Variants in GRM1 observed in about 807,000 individuals in gnomAD.
The protein encoded by GRM1 is metabotropic glutamate receptor 1.
GRM1 carries 33 observed loss-of-function variants against 90.9 expected under a neutral mutation model. The observed-to-expected ratio is 0.36, with a 90% CI of 0.28 to 0.49. GRM1 has a LOEUF of 0.49. GRM1 is among the 20% of genes least tolerant of loss of function. The pLI, the probability that GRM1 is intolerant of heterozygous loss-of-function variation, is 0.99. For synonymous variants in GRM1, 700 were observed against 613.2 expected (o/e 1.14, Z -2.09); for missense variants, 1,190 against 1,534.3 (o/e 0.78, Z 3.75).
intron 2 of GRM1, among the ~76,000 whole-genome samples, chr6:146,177,128 T>C (rs1225942685): frequency 6.6e-6 from 1 of 152,110 alleles, no homozygotes; most frequent in Non-Finnish European, 1.5e-5. Context: ...TGTATCTCAT[T>C]TTCCTAACAG....
intron 5 of GRM1, among the ~76,000 whole-genome samples, chr6:146,362,937 A>G (rs1347491505): frequency 6.6e-6 from 1 of 152,142 alleles, no homozygotes; most frequent in Non-Finnish European, 1.5e-5. Flanking sequence ...ACGCTTAAAA[A>G]TGGATGGAAC....
At chr6:146,225,551 T>C (rs1780209481) in intron 2 of GRM1, among the ~76,000 whole-genome samples, 1 of 152,184 alleles carries the variant, frequency 6.6e-6, no homozygotes, top group African/African-American at 2.4e-5. Flanking sequence ...ATTTAGAATC[T>C]ATTTCCTTGG....
chr6:146,254,906 C>G (rs1781429231), intron 2 of GRM1, among the ~76,000 whole-genome samples: 1 of 152,170 alleles, frequency 6.6e-6, no homozygotes, highest in South Asian at 2.1e-4. Context: ...TCTGCAGCCT[C>G]TCTCATTTTA....
At chr6:146,348,959 T>TCTCTAAACATTA (rs1214473645) in intron 3 of GRM1, among the ~76,000 whole-genome samples, 1 of 152,154 alleles carries the variant, frequency 6.6e-6, no homozygotes, top group Non-Finnish European at 1.5e-5. Flanking sequence ...TGTAAAATAG[T>TCTCTAAACATTA]GAGACTAATG....
chr6:146,171,975 G>C (rs1778145540), intron 2 of GRM1: 1 of 162,198 alleles, frequency 6.2e-6, no homozygotes, highest in African/African-American at 2.4e-5. Flanking sequence ...AAATCCAAAT[G>C]GCTTTGGGAA....
chr6:146,050,259 C>G (rs1356359674), intron 1 of GRM1, among the ~76,000 whole-genome samples: 1 of 152,004 alleles, frequency 6.6e-6, no homozygotes, highest in Non-Finnish European at 1.5e-5. Context: ...TAAATGCACA[C>G]TGGGTCTTCC....
intron 1 of GRM1, among the ~76,000 whole-genome samples, chr6:146,045,133 C>A (rs369356898): frequency 6.6e-6 from 1 of 151,738 alleles, no homozygotes; most frequent in African/African-American, 2.4e-5. Context: ...CCTGCAAAAT[C>A]GTTTATATAT....
chr6:146,399,730 T>TCTCTTCCTTTCTCTGTCTCTTTC lies in GRM1; in HGVS notation c.2660+32_2660+54dup. On this transcript the variant is annotated intron_variant, in intron 7 of 7. Coordinates refer to ENST00000282753, the MANE Select transcript of GRM1 (RefSeq NM_001278064.2). The surrounding 1 kb of genome is among the most constrained non-coding windows in gnomAD (Gnocchi z 5.4). Reference sequence around the variant, plus strand: ...TTATCTGACCTGTTTGTCTCTCTTTTCTCTTCCTTTCTCTGTCTCTTTCTC... The same window carrying TCTCTTCCTTTCTCTGTCTCTTTC: ...TTATCTGACCTGTTTGTCTCTCTTTTCTCTTCCTTTCTCTGTCTCTTTCCTCTTCCTTTCTCTGTCTCTTTCTC... 7.3e-7 allele frequency: 1 copy of TCTCTTCCTTTCTCTGTCTCTTTC among 1,368,556 alleles called. No homozygotes were observed. 84.8% of individuals were successfully genotyped at this position (1,368,556 alleles called of 1,614,324 possible).
chr6:146,140,601 A>G lies in GRM1; in HGVS notation c.701-18747A>G, dbSNP rs576955192. On this transcript the variant is annotated intron_variant, in intron 1 of 7. Coordinates refer to ENST00000282753, the MANE Select transcript of GRM1 (RefSeq NM_001278064.2). Reference sequence around the variant, plus strand: ...TGTTTTTTGGTTTGAGGTTACCATGAGGCTTCCAAATAATATCTTATAACC... The same window carrying G: ...TGTTTTTTGGTTTGAGGTTACCATGGGGCTTCCAAATAATATCTTATAACC... Among the ~76,000 whole-genome samples the G allele has an allele frequency of 3.1e-4, 47 of 152,316 alleles. 1 individual carries two copies. Among genetic ancestry groups the G allele is most frequent in the Admixed American group, 3.0e-3 (46 of 15,292 alleles).
At position 146,064,684 on chromosome 6, in the gene GRM1, G is replaced by A. The variant is rs117715718; in HGVS notation, c.700+34467G>A. 4.0e-3 allele frequency among the ~76,000 whole-genome samples: 595 copies of A among 149,722 alleles called. 17 individuals are homozygous for A. The East Asian group carries it at 0.072, about 18-fold the overall frequency. On this transcript the variant is annotated intron_variant, in intron 1 of 7. Coordinates refer to ENST00000282753, the MANE Select transcript of GRM1 (RefSeq NM_001278064.2). Reference sequence around the variant, plus strand: ...CTTTTTTTTTTTCCCCCAGCTACTGGAGAGGTTGAGGCAGGAGAATCGCTT... The same window carrying A: ...CTTTTTTTTTTTCCCCCAGCTACTGAAGAGGTTGAGGCAGGAGAATCGCTT...
intron 3 of GRM1, among the ~76,000 whole-genome samples, chr6:146,340,676 G>T (rs1011851706): frequency 7.9e-5 from 12 of 152,088 alleles, no homozygotes; most frequent in African/African-American, 2.7e-4. Flanking sequence ...CTCCCAAGCA[G>T]CTGGGACTAC....
At chr6:146,095,020 C>T (rs986198222) in intron 1 of GRM1, among the ~76,000 whole-genome samples, 7 of 152,022 alleles carry the variant, frequency 4.6e-5, no homozygotes, top group African/African-American at 1.7e-4. Context: ...GATAAAGATG[C>T]ACATATGATC....
chr6:146,326,031 G>A (rs988351565), intron 3 of GRM1, among the ~76,000 whole-genome samples: 9 of 152,184 alleles, frequency 5.9e-5, no homozygotes, highest in African/African-American at 9.7e-5. Context: ...GAACATAAGT[G>A]TTGGACTCTA....
intron 1 of GRM1, among the ~76,000 whole-genome samples, chr6:146,031,418 G>A (rs1790702717): frequency 6.6e-6 from 1 of 152,032 alleles, no homozygotes; most frequent in Non-Finnish European, 1.5e-5. Context: ...TCAGTTACTG[G>A]CGTGAGGTCT....
chr6:146,156,479 C>G (rs1583083631), intron 1 of GRM1, among the ~76,000 whole-genome samples: 2 of 152,260 alleles, frequency 1.3e-5, no homozygotes, highest in East Asian at 3.9e-4. Flanking sequence ...CCTGGTCTTC[C>G]TTCTTGTGGA....
intron 5 of GRM1, among the ~76,000 whole-genome samples, chr6:146,361,521 A>T (rs1562638621): frequency 6.6e-6 from 1 of 152,200 alleles, no homozygotes; most frequent in East Asian, 1.9e-4. Flanking sequence ...GGTAAAGGAA[A>T]AGAAAATGCT....
intron 5 of GRM1, among the ~76,000 whole-genome samples, chr6:146,381,773 T>C (rs1053804367): frequency 6.6e-6 from 1 of 152,186 alleles, no homozygotes; most frequent in African/African-American, 2.4e-5. Context: ...CTTTCAGATG[T>C]TTCTCTTACA....
At chr6:146,041,064 A>G (rs1791083044) in intron 1 of GRM1, among the ~76,000 whole-genome samples, 1 of 151,906 alleles carries the variant, frequency 6.6e-6, no homozygotes, top group African/African-American at 2.4e-5. Flanking sequence ...ATTCAACTAA[A>G]GTATTTCTCA....
Position 146,245,135 on chromosome 6 carries a change from GCAAA to G in GRM1, c.951-59468_951-59465del, listed in dbSNP as rs906542735. On this transcript the variant is annotated intron_variant, in intron 2 of 7. Coordinates refer to ENST00000282753, the MANE Select transcript of GRM1 (RefSeq NM_001278064.2). ...CTTTAACGACTCCCAATGGGAGCAA[GCAAA>G]CAAACAATTGAAAATATAAATTTAA... 1.2e-3 allele frequency among the ~76,000 whole-genome samples: 178 copies of G among 152,218 alleles called. 2 individuals carry two copies. The highest frequency in any genetic ancestry group is 3.7e-4 in the Non-Finnish European group (25 of 68,008).
Sources: allele counts gnomAD v4.1 joint callset (sites outside exome capture counted in the v4.1 genomes callset), GRCh38; gene constraint gnomAD v4.1.1; non-coding constraint Gnocchi (gnomAD v3.1); transcripts MANE v1.5; gene names NCBI Gene and HGNC (gene_info 2026-07-23, HGNC 2026-07-21).